The following PUM1 variants were observed in gnomAD, a reference collection of about 807,000 sequenced individuals.
The protein encoded by PUM1 is pumilio homolog 1.
In PUM1, 13 loss-of-function variants were observed where a neutral mutation model predicts 131.8. That is an observed-to-expected ratio of 0.10 (90% CI 0.06 to 0.16). PUM1 has a LOEUF of 0.16. PUM1 is among the 10% of genes least tolerant of loss of function. The probability of loss-of-function intolerance (pLI) is 1.00; values close to 1 mark genes in which losing one functional copy is unlikely to be tolerated. For missense variants in PUM1, 961 were observed against 1,512.4 expected (o/e 0.64, Z 6.05); for synonymous variants, 509 against 556.5 (o/e 0.91, Z 1.20).
intron 3 of PUM1, among the ~76,000 whole-genome samples, chr1:31,011,648 C>A (rs72884099): frequency 6.6e-6 from 1 of 152,148 alleles, no homozygotes; most frequent in South Asian, 2.1e-4. Context: ...GGTAAAATAT[C>A]CTAGTTTGCC....
chr1:31,056,777 C>A (rs1469916253), intron 2 of PUM1, among the ~76,000 whole-genome samples: 2 of 151,656 alleles, frequency 1.3e-5, no homozygotes, highest in South Asian at 2.1e-4. Context: ...CAGGCATGTG[C>A]CCCCACGCCC....
chr1:30,935,476 T>C (rs1191843719), intron 21 of PUM1, among the ~76,000 whole-genome samples: 1 of 152,256 alleles, frequency 6.6e-6, no homozygotes, highest in Admixed American at 6.5e-5. Flanking sequence ...GAATACGACC[T>C]GCTGTACAAC....
At chr1:30,967,869 T>G (rs184645485) in intron 11 of PUM1, among the ~76,000 whole-genome samples, 2 of 152,258 alleles carry the variant, frequency 1.3e-5, no homozygotes, top group African/African-American at 4.8e-5. Context: ...AAAAACAACA[T>G]ATATTCAAGA....
chr1:30,941,070 C>T, intron 20 of PUM1, 81 bp downstream of exon 20: 1 of 1,406,016 alleles, frequency 7.1e-7, no homozygotes, highest in Non-Finnish European at 9.6e-7. Flanking sequence ...ACAACAACAA[C>T]ATTAAAAAAT....
intron 14 of PUM1, among the ~76,000 whole-genome samples, chr1:30,954,271 G>C (rs1217549238): frequency 6.6e-6 from 1 of 152,162 alleles, no homozygotes; most frequent in Non-Finnish European, 1.5e-5. Flanking sequence ...AAATGAGGAA[G>C]AAATGTGCCG....
At chr1:31,040,584 G>A (rs143757393) in intron 2 of PUM1, among the ~76,000 whole-genome samples, 59 of 152,208 alleles carry the variant, frequency 3.9e-4, no homozygotes, top group Non-Finnish European at 6.3e-4. Flanking sequence ...GAAATGGAGC[G>A]CCAGTAAGGA....
chr1:31,059,083 CTGTT>C (rs1644314756), intron 2 of PUM1, 117 bp downstream of exon 2: 8 of 1,158,702 alleles, frequency 6.9e-6, no homozygotes, highest in African/African-American at 3.1e-5. Context: ...TAACAAGTAA[CTGTT>C]TGTACCAAAT....
At chr1:30,948,772 A>G (rs1639799183) in intron 17 of PUM1, among the ~76,000 whole-genome samples, 1 of 144,622 alleles carries the variant, frequency 6.9e-6, no homozygotes. Flanking sequence ...AAGAAAAACA[A>G]GAAAATTAAA....
chr1:30,933,390 G>A (rs948444416), intron 21 of PUM1, 48 bp from the exon 22 acceptor site: 3 of 1,583,764 alleles, frequency 1.9e-6, no homozygotes, highest in African/African-American at 1.3e-5. Context: ...ATGAGACTTG[G>A]GGGCAGGCTT....
intron 2 of PUM1, among the ~76,000 whole-genome samples, chr1:31,032,198 C>T (rs1643454416): frequency 6.6e-6 from 1 of 152,202 alleles, no homozygotes; most frequent in South Asian, 2.1e-4. Flanking sequence ...TTTATTCATA[C>T]TGGGAGCTGT....
Position 31,041,323 on chromosome 1 carries a change from C to T in PUM1, c.364-12459G>A, listed in dbSNP as rs372098965. Among the ~76,000 whole-genome samples, 178 of 152,130 alleles carry T rather than the reference C, an allele frequency of 1.2e-3. 2 individuals are homozygous for T. In the South Asian group the frequency reaches 0.034, roughly 29 times the overall value. ...AACTCCTAGACTCAAGTGATCCTCC[C>T]ACCTTGGCCTCCCAAAGTGCTAGGA... On this transcript the variant is annotated intron_variant, in intron 2 of 21. Transcript: ENST00000426105.
At chr1:30,938,287 C>T (rs1357259814) in intron 20 of PUM1, among the ~76,000 whole-genome samples, 1 of 152,222 alleles carries the variant, frequency 6.6e-6, no homozygotes, top group Non-Finnish European at 1.5e-5. Flanking sequence ...CAGTCTCGCT[C>T]TGTCACCTAG....
At chr1:30,947,871 ATTT>A (rs755403369) in intron 17 of PUM1, among the ~76,000 whole-genome samples, 9 of 141,180 alleles carry the variant, frequency 6.4e-5, no homozygotes, top group Admixed American at 7.1e-5. Flanking sequence ...AAGGGAATAA[ATTT>A]TTTTTTTTTT....
At chr1:31,027,500 CA>C (rs1191063708) in intron 3 of PUM1, among the ~76,000 whole-genome samples, 14 of 152,108 alleles carry the variant, frequency 9.2e-5, no homozygotes, top group Admixed American at 5.2e-4. Flanking sequence ...TGCATTGTGT[CA>C]GTGACATTAG....
intron 3 of PUM1, among the ~76,000 whole-genome samples, chr1:31,019,377 T>G (rs1344075019): frequency 6.6e-6 from 1 of 152,144 alleles, no homozygotes; most frequent in Admixed American, 6.5e-5. Context: ...TAAACAAATT[T>G]TAGGACAACC....
At chr1:31,011,205 T>C (rs534171245) in intron 3 of PUM1, among the ~76,000 whole-genome samples, 1 of 103,454 alleles carries the variant, frequency 9.7e-6, no homozygotes, top group East Asian at 2.2e-4. Flanking sequence ...ACACACACAC[T>C]GTGCTGTTTT....
intron 16 of PUM1, among the ~76,000 whole-genome samples, chr1:30,950,488 C>T (rs991036432): frequency 6.6e-6 from 1 of 152,180 alleles, no homozygotes. Flanking sequence ...TTCTCGGATA[C>T]CCAACAATAG....
intron 3 of PUM1, among the ~76,000 whole-genome samples, chr1:31,012,552 TAAAAAAAAAAA>T (rs10666570): frequency 8.4e-6 from 1 of 119,186 alleles, no homozygotes. Flanking sequence ...TTATGAAAAG[TAAAAAAAAAAA>T]AAAAAAAAAA....
At chr1:31,062,254 TA>T (rs1644382996) in intron 1 of PUM1, among the ~76,000 whole-genome samples, 1 of 152,190 alleles carries the variant, frequency 6.6e-6, no homozygotes, top group Admixed American at 6.5e-5. Context: ...TATGAAACAC[TA>T]AAGTTCCTTA....
Sources: gnomAD v4.1 joint callset for allele counts (sites outside exome capture counted in the v4.1 genomes callset) on GRCh38, gnomAD v4.1.1 for gene constraint, MANE v1.5 for transcripts, NCBI Gene and HGNC (gene_info 2026-07-23, HGNC 2026-07-21) for gene names.